The following CDC45 variants were observed in gnomAD, a reference collection of about 807,000 sequenced individuals.
CDC45 encodes cell division cycle 45.
In CDC45, 54 loss-of-function variants were observed where a neutral mutation model predicts 77.8. The ratio of observed to expected loss-of-function variants is 0.69; its 90% confidence interval spans 0.56 to 0.87. The LOEUF is 0.87. Among genes scored for constraint, CDC45 ranks in the 40% least tolerant of loss-of-function variants. The pLI, the probability that CDC45 is intolerant of heterozygous loss-of-function variation, is 0.00. For missense variants in CDC45, 649 were observed against 721.6 expected, an observed-to-expected ratio of 0.90 and a Z score of 1.15; for synonymous variants, 260 against 272.1, an observed-to-expected ratio of 0.96 and a Z score of 0.44.
chr22:19,500,303 A>G (rs1204640652), intron 9 of CDC45, among the ~76,000 whole-genome samples: 1 of 152,026 alleles, frequency 6.6e-6, no homozygotes, highest in Non-Finnish European at 1.5e-5. Context: ...CAGGATCTGT[A>G]CCTGAAACTG....
intron 9 of CDC45, among the ~76,000 whole-genome samples, chr22:19,503,743 T>C (rs1266179587): frequency 6.6e-6 from 1 of 152,078 alleles, no homozygotes; most frequent in Non-Finnish European, 1.5e-5. Flanking sequence ...CCCTTCCTAT[T>C]ATTAGGGAGG....
At chr22:19,488,833 T>G (rs567816773) in intron 5 of CDC45, among the ~76,000 whole-genome samples, 58 of 152,232 alleles carry the variant, frequency 3.8e-4, no homozygotes, top group African/African-American at 1.3e-3. Flanking sequence ...TAATTACAGA[T>G]TCACATGTAG....
intron 3 of CDC45, 93 bp downstream of exon 3, chr22:19,481,138 TTTAAGTATCAGCTAC>T: frequency 1.3e-6 from 1 of 789,364 alleles, no homozygotes; most frequent in Non-Finnish European, 2.1e-6. Flanking sequence ...TAAGCGTGTA[TTTAAGTATCAGCTAC>T]ATTAGGCAAT....
chr22:19,510,014 T>G (rs1933425267), intron 13 of CDC45, among the ~76,000 whole-genome samples: 1 of 152,228 alleles, frequency 6.6e-6, no homozygotes, highest in Non-Finnish European at 1.5e-5. Context: ...CAGGGTGGAA[T>G]GCAATGGCAT....
At chr22:19,489,314 C>T (rs936892367) in intron 5 of CDC45, among the ~76,000 whole-genome samples, 1 of 151,348 alleles carries the variant, frequency 6.6e-6, no homozygotes, top group East Asian at 1.9e-4. Context: ...CCAAAATAAC[C>T]CATGGGTATT....
intron 9 of CDC45, among the ~76,000 whole-genome samples, chr22:19,501,710 AT>A (rs1201271478): frequency 6.6e-6 from 1 of 152,050 alleles, no homozygotes; most frequent in Non-Finnish European, 1.5e-5. Flanking sequence ...AAATTATTTT[AT>A]TGTTAACCTT....
intron 5 of CDC45, among the ~76,000 whole-genome samples, chr22:19,490,022 G>A (rs1279721544): frequency 1.3e-5 from 2 of 152,136 alleles, no homozygotes; most frequent in African/African-American, 2.4e-5. Context: ...TATTCACTTA[G>A]TGTCCCACTC....
At position 19,479,956 on chromosome 22, in the gene CDC45, G is replaced by C; in HGVS notation, c.-13G>C. 2 of 1,612,806 alleles carry C rather than the reference G, an allele frequency of 1.2e-6. No homozygotes were observed. The highest frequency in any genetic ancestry group is 1.7e-6 in the Non-Finnish European group (2 of 1,180,020). On this transcript the variant is annotated 5_prime_UTR_variant, in exon 1 of 19. Coordinates refer to ENST00000263201, the MANE Select transcript of CDC45 (RefSeq NM_003504.5). The stretch of plus-strand genomic sequence containing the variant: ...ACCTCAGCGCGAGCGCCAGGCGTCC[G>C]GCCGCCGTGGCTATGTTCGTGTCCG...
At chr22:19,516,455 T>TTGGGCTC in intron 15 of CDC45, 72 bp from the exon 16 acceptor site, 2 of 1,265,700 alleles carry the variant, frequency 1.6e-6, no homozygotes, top group Admixed American at 1.7e-5. Flanking sequence ...CTGGGCGCTG[T>TTGGGCTC]TGGGCTCTGG....
chr22:19,516,197 G>A (rs1024236164), intron 15 of CDC45, among the ~76,000 whole-genome samples: 6 of 152,112 alleles, frequency 3.9e-5, no homozygotes, highest in African/African-American at 1.4e-4. Context: ...TGAGGGAGAG[G>A]ATAGCAGGGC....
rs753707740 is a variant in CDC45, at chr22:19,508,634, C to T, written c.1160C>T (p.Pro387Leu). Residue 387 changes from proline to leucine, a missense_variant, in exon 13 of 19, where the codon CCC becomes CTC. By Grantham distance (98) the Pro-to-Leu change is moderately conservative. Coordinates refer to ENST00000263201, the MANE Select transcript of CDC45 (RefSeq NM_003504.5). ...GCCACCATGTCTTTGATGGAGAGCCCCGAGAAGGATGGCTCAGGGACAGAT... is the reference window on the plus strand; with the variant it reads ...GCCACCATGTCTTTGATGGAGAGCCTCGAGAAGGATGGCTCAGGGACAGAT... ...VFATMSLMES[P>L]EKDGSGTDHF... is the part of the protein sequence containing the mutation. 1 of 1,614,192 alleles carries T rather than the reference C, an allele frequency of 6.2e-7. No homozygotes were observed. The highest frequency in any genetic ancestry group is 8.5e-7 in the Non-Finnish European group (1 of 1,180,042).
At chr22:19,516,316 C>G (rs1933784504) in intron 15 of CDC45, 1 of 590,258 alleles carries the variant, frequency 1.7e-6, no homozygotes, top group Non-Finnish European at 3.0e-6. Flanking sequence ...TACGGGAGGG[C>G]AGGTGTTTGG....
intron 4 of CDC45, among the ~76,000 whole-genome samples, chr22:19,483,411 G>A (rs1020213922): frequency 3.3e-5 from 5 of 152,158 alleles, no homozygotes; most frequent in Middle Eastern, 3.4e-3. Flanking sequence ...CAGCTTGGGC[G>A]ACAGAGCGAG....
At chr22:19,511,946 G>A (rs1286720644) in intron 13 of CDC45, among the ~76,000 whole-genome samples, 4 of 146,010 alleles carry the variant, frequency 2.7e-5, no homozygotes, top group Non-Finnish European at 6.0e-5. Flanking sequence ...TTTGAGACAG[G>A]GTCTTACTCT....
intron 1 of CDC45, 39 bp downstream of exon 1, chr22:19,480,058 G>C (rs751481362): frequency 6.2e-7 from 1 of 1,613,216 alleles, no homozygotes; most frequent in Non-Finnish European, 8.5e-7. Context: ...GGCCTTGCCG[G>C]TGGGGAAGGG....
At chr22:19,501,718 C>A (rs113099954) in intron 9 of CDC45, among the ~76,000 whole-genome samples, 2 of 152,070 alleles carry the variant, frequency 1.3e-5, no homozygotes, top group African/African-American at 4.8e-5. Flanking sequence ...TTATTGTTAA[C>A]CTTTTTCTTT....
intron 5 of CDC45, among the ~76,000 whole-genome samples, chr22:19,493,229 T>TTTTTTTTG (rs1555874595): frequency 5.9e-5 from 7 of 119,086 alleles, no homozygotes; most frequent in Non-Finnish European, 3.5e-5. Flanking sequence ...TTTTGTGGGT[T>TTTTTTTTG]TTTTTTTTTG....
intron 9 of CDC45, among the ~76,000 whole-genome samples, chr22:19,504,561 A>C (rs1329305790): frequency 1.3e-5 from 2 of 152,010 alleles, no homozygotes; most frequent in Non-Finnish European, 2.9e-5. Context: ...GGCCTCCCAA[A>C]GTGCTGGGAT....
In CDC45 at chr22:19,497,427, G is replaced by T; in HGVS notation, c.633G>T (p.Lys211Asn). Residue 211 changes from lysine (K) to asparagine (N), a missense_variant, in exon 8 of 19, where the codon AAG becomes AAT. Transcript: ENST00000263201. ...VMFELAWMLSKDLNDMLWWAI... is the reference protein window; with the variant it reads ...VMFELAWMLSNDLNDMLWWAI... The stretch of plus-strand genomic sequence containing the variant: ...TTGAGCTGGCTTGGATGCTGTCCAA[G>T]GACCTGAATGACATGCTGTGGTACG... 1 of 1,614,150 alleles carries T rather than the reference G, an allele frequency of 6.2e-7. No individual in the cohort carries two copies. The highest frequency in any genetic ancestry group is 8.5e-7 in the Non-Finnish European group (1 of 1,180,000).
Sources: allele counts gnomAD v4.1 joint callset (sites outside exome capture counted in the v4.1 genomes callset), GRCh38; gene constraint gnomAD v4.1.1; transcripts MANE v1.5; gene names NCBI Gene and HGNC (gene_info 2026-07-23, HGNC 2026-07-21).